Variants in CDH13 observed in about 807,000 individuals in gnomAD.
The protein encoded by CDH13 is cadherin-13.
CDH13 carries 24 observed loss-of-function variants against 63.8 expected under a neutral mutation model. That is an observed-to-expected ratio of 0.38 (90% CI 0.27 to 0.53). The LOEUF is 0.53. Among genes scored for constraint, CDH13 ranks in the 20% least tolerant of loss-of-function variants. The pLI is 0.85. For missense variants in CDH13, 1,049 were observed against 903.1 expected (o/e 1.16, Z -2.07); for synonymous variants, 503 against 355.3 (o/e 1.42, Z -4.67).
At chr16:83,373,861 C>G (rs1028424552) in intron 6 of CDH13, among the ~76,000 whole-genome samples, 2 of 152,110 alleles carry the variant, frequency 1.3e-5, no homozygotes, top group African/African-American at 4.8e-5. Context: ...CATAGAGAGC[C>G]TCGTGGGAGG....
chr16:83,304,424 A>G (rs2089826543), intron 5 of CDH13, among the ~76,000 whole-genome samples: 1 of 152,048 alleles, frequency 6.6e-6, no homozygotes, highest in Admixed American at 6.6e-5. Flanking sequence ...AAGGAGCTCA[A>G]GGTGATTATT....
At chr16:83,295,256 G>A (rs2089564541) in intron 5 of CDH13, among the ~76,000 whole-genome samples, 2 of 152,108 alleles carry the variant, frequency 1.3e-5, no homozygotes. Flanking sequence ...TTAAATGTAA[G>A]ACTTGAAACT....
chr16:83,792,016 A>G (rs1916306056), intron 13 of CDH13, among the ~76,000 whole-genome samples: 1 of 152,204 alleles, frequency 6.6e-6, no homozygotes, highest in South Asian at 2.1e-4. Flanking sequence ...CCTTTCCGCA[A>G]TCCAGGCTCT....
At chr16:83,239,539 G>GA (rs5818432) in intron 5 of CDH13, among the ~76,000 whole-genome samples, 144,259 of 152,242 alleles carry the variant, frequency 0.95, 68,359 homozygotes, top group East Asian at 1. Context: ...GCATTTAACT[G>GA]AAACCTTTCT....
chr16:82,988,687 G>C (rs569005517), intron 2 of CDH13, among the ~76,000 whole-genome samples: 1 of 151,606 alleles, frequency 6.6e-6, no homozygotes. Context: ...GCTTGAACCC[G>C]GCTGGCGGAG....
chr16:82,795,263 G>C (rs1479210700), intron 1 of CDH13, among the ~76,000 whole-genome samples: 1 of 152,166 alleles, frequency 6.6e-6, no homozygotes, highest in African/African-American at 2.4e-5. Flanking sequence ...AGTTGTCCCA[G>C]GGGACTGGAA....
At chr16:83,538,728 T>A (rs1213111312) in intron 7 of CDH13, among the ~76,000 whole-genome samples, 1 of 152,156 alleles carries the variant, frequency 6.6e-6, no homozygotes, top group African/African-American at 2.4e-5. Flanking sequence ...GAGACAAGGT[T>A]GGAAGGAATA....
At chr16:82,719,374 G>A in intron 1 of CDH13, 1 of 455,934 alleles carries the variant, frequency 2.2e-6, no homozygotes, top group Non-Finnish European at 4.4e-6. Flanking sequence ...AGGTGGTCCT[G>A]TGTGCAAGTC....
intron 7 of CDH13, among the ~76,000 whole-genome samples, chr16:83,547,562 C>G (rs1258410032): frequency 1.3e-5 from 2 of 152,192 alleles, no homozygotes; most frequent in Non-Finnish European, 2.9e-5. Flanking sequence ...ATTTGGTTTT[C>G]TGTTCCTGGG....
At chr16:82,846,122 T>C (rs1427740034) in intron 1 of CDH13, among the ~76,000 whole-genome samples, 8 of 152,230 alleles carry the variant, frequency 5.3e-5, no homozygotes, top group Non-Finnish European at 1.2e-4. Context: ...GCTCCCTGTT[T>C]CTTGAACTGG....
intron 1 of CDH13, among the ~76,000 whole-genome samples, chr16:82,822,465 T>C (rs2038047254): frequency 1.3e-5 from 2 of 152,236 alleles, no homozygotes; most frequent in South Asian, 4.1e-4. Flanking sequence ...TTAGGTTAAA[T>C]CATTTTTTTA....
At chr16:83,556,513 A>C (rs1481032811) in intron 7 of CDH13, among the ~76,000 whole-genome samples, 1 of 152,166 alleles carries the variant, frequency 6.6e-6, no homozygotes, top group Non-Finnish European at 1.5e-5. Flanking sequence ...TCCCAGTTCA[A>C]AGATGAGGAA....
At position 83,064,248 on chromosome 16, in the gene CDH13, G is replaced by A. The variant is rs190823908; in HGVS notation, c.366+32030G>A. On this transcript the variant is annotated intron_variant, in intron 3 of 13. Coordinates refer to ENST00000567109, the MANE Select transcript of CDH13 (RefSeq NM_001257.5). The stretch of plus-strand genomic sequence containing the variant: ...GCTGGGTGTGGTGGCATGCACCTGT[G>A]ATCCCAGCTATTCAAGAGGCTGAGA... Among the ~76,000 whole-genome samples the A allele has an allele frequency of 4.0e-3, 616 of 152,176 alleles. 4 individuals carry two copies. The highest frequency in any genetic ancestry group is 5.7e-3 in the Non-Finnish European group (386 of 67,988).
At chr16:83,700,852 G>A (rs1906112841) in intron 10 of CDH13, among the ~76,000 whole-genome samples, 1 of 152,164 alleles carries the variant, frequency 6.6e-6, no homozygotes, top group Non-Finnish European at 1.5e-5. Flanking sequence ...ACGGGCCACG[G>A]GAACTACTAT....
At chr16:83,399,514 G>T (rs1448998434) in intron 6 of CDH13, among the ~76,000 whole-genome samples, 1 of 152,094 alleles carries the variant, frequency 6.6e-6, no homozygotes, top group Non-Finnish European at 1.5e-5. Flanking sequence ...ATCCCACATG[G>T]TCTTCTTCAG....
At chr16:83,576,296 A>T (rs118119209) in intron 7 of CDH13, among the ~76,000 whole-genome samples, 1 of 152,330 alleles carries the variant, frequency 6.6e-6, no homozygotes, top group East Asian at 1.9e-4. Flanking sequence ...TTCACTTAGC[A>T]TAATGTTTTC....
chr16:83,331,577 T>A (rs977761931), intron 5 of CDH13, among the ~76,000 whole-genome samples: 5 of 152,214 alleles, frequency 3.3e-5, no homozygotes, highest in Non-Finnish European at 4.4e-5. Context: ...GATTTCTTTT[T>A]TAACTTTGAA....
At chr16:83,544,537 T>TAATAACACTTCGTTGTAATAA (rs2075349700) in intron 7 of CDH13, among the ~76,000 whole-genome samples, 1 of 152,184 alleles carries the variant, frequency 6.6e-6, no homozygotes, top group African/African-American at 2.4e-5. Flanking sequence ...CATGAGATGT[T>TAATAACACTTCGTTGTAATAA]TAACACTTCG....
intron 1 of CDH13, among the ~76,000 whole-genome samples, chr16:82,648,989 A>G (rs1047730547): frequency 1.4e-4 from 21 of 152,276 alleles, no homozygotes; most frequent in African/African-American, 4.8e-4. Context: ...CATGAATGAG[A>G]TGATGGGGAA....
Sources: allele counts gnomAD v4.1 joint callset (sites outside exome capture counted in the v4.1 genomes callset), GRCh38; gene constraint gnomAD v4.1.1; transcripts MANE v1.5; gene names NCBI Gene and HGNC (gene_info 2026-07-23, HGNC 2026-07-21).